BTN3A1: variants seen among roughly 807,000 people sequenced by gnomAD.
BTN3A1 encodes the protein dJ45P21.3 (butyrophilin, subfamily 3, member A1).
BTN3A1 carries 24 observed loss-of-function variants against 43.0 expected under a neutral mutation model. That is an observed-to-expected ratio of 0.56 (90% confidence interval 0.40 to 0.78). BTN3A1 has a LOEUF of 0.78. Ranked by LOEUF, BTN3A1 falls within the 30% of genes least tolerant of loss-of-function variation. BTN3A1 has a pLI of 0.00. For synonymous variants in BTN3A1, 181 were observed against 234.7 expected (o/e 0.77, Z 2.09); for missense variants, 533 against 626.2 (o/e 0.85, Z 1.59).
chr6:26,403,726 G>A (rs1407433033), intron 1 of BTN3A1, among the ~76,000 whole-genome samples: 1 of 151,980 alleles, frequency 6.6e-6, no homozygotes, highest in Non-Finnish European at 1.5e-5. Flanking sequence ...GTTTCATTAT[G>A]TTGACCAGGC....
At chr6:26,402,697 T>C (rs1308202082) in intron 1 of BTN3A1, among the ~76,000 whole-genome samples, 1 of 152,116 alleles carries the variant, frequency 6.6e-6, no homozygotes, top group East Asian at 1.9e-4. Flanking sequence ...AAATCTGTTC[T>C]GGACAACTCA....
In BTN3A1 at chr6:26,412,089, G is replaced by A. The variant is rs558618075; in HGVS notation, c.1018+508G>A. 4 of 259,866 alleles carry A rather than the reference G, an allele frequency of 1.5e-5. No individual in the cohort carries two copies. In the Admixed American group the frequency reaches 2.0e-4, roughly 13 times the overall value. 16.1% of individuals were successfully genotyped at this position (259,866 alleles called of 1,614,324 possible). ...ACTGAAGGAATAATAAATATCCATT[G>A]GTCAAAAACCTTAAGAAGGAGATGA... On this transcript the variant is annotated intron_variant, in intron 9 of 9. Coordinates refer to ENST00000289361, the MANE Select transcript of BTN3A1 (RefSeq NM_007048.6).
At position 26,413,712 on chromosome 6, in the gene BTN3A1, C is replaced by T; in HGVS notation, c.*20C>T. ...GCGTGAAAAGAAGAAGAGAGTTCCT[C>T]CAATTCTGACCGAGTGCTGATCATT... On this transcript the variant is annotated 3_prime_UTR_variant, in exon 10 of 10. Transcript: ENST00000289361. 1 of 1,610,556 alleles carries T rather than the reference C, an allele frequency of 6.2e-7. No homozygotes were observed. The highest frequency in any genetic ancestry group is 8.5e-7 in the Non-Finnish European group (1 of 1,179,586).
rs527423717 is a variant in BTN3A1 at position 26,411,577 on chromosome 6, G to C, written c.1014G>C (p.Lys338Asn). ...CAGAATGGAAAAAGGCCCTCTTCAAGCCTGGTGAGTAAATCACTGTGTGTT... is the reference window on the plus strand; with the variant it reads ...CAGAATGGAAAAAGGCCCTCTTCAACCCTGGTGAGTAAATCACTGTGTGTT... ...AYNEWKKALF[K>N]PADVILDPKT... is the part of the protein sequence containing the mutation. Residue 338 changes from lysine to asparagine, a missense_variant, in exon 9 of 10, where the codon AAG becomes AAC. By Grantham distance (94) the Lys-to-Asn change is moderately conservative. Coordinates refer to ENST00000289361, the MANE Select transcript of BTN3A1 (RefSeq NM_007048.6). 1.9e-5 allele frequency: 30 copies of C among 1,613,530 alleles called. No individual in the cohort carries two copies. The South Asian group carries it at 3.3e-4, about 18-fold the overall frequency.
chr6:26,405,766 C>A, intron 2 of BTN3A1, 118 bp downstream of exon 2: 1 of 1,581,466 alleles, frequency 6.3e-7, no homozygotes. Context: ...TCACCCGTCA[C>A]TAAGAGACAA....
At position 26,414,631 on chromosome 6, in the gene BTN3A1, C is replaced by G. The variant is rs979103365; in HGVS notation, c.*939C>G. The G allele has an allele frequency of 2.6e-5, 4 of 152,004 alleles. No individual in the cohort carries two copies. The highest frequency in any genetic ancestry group is 5.9e-5 in the Non-Finnish European group (4 of 68,026). 9.4% of individuals were successfully genotyped at this position (152,004 alleles called of 1,614,324 possible). On this transcript the variant is annotated 3_prime_UTR_variant, in exon 10 of 10. Coordinates refer to ENST00000289361, the MANE Select transcript of BTN3A1 (RefSeq NM_007048.6). ...CAAGGTTTCCAGGCAGAGCAAATAC[C>G]CTAGAGATTCTCTGTGATATAGGAA...
chr6:26,413,151 T>C lies in BTN3A1; in HGVS notation c.1019-18T>C, dbSNP rs1762275947. On this transcript the variant is annotated intron_variant, in intron 9 of 9. Coordinates refer to ENST00000289361, the MANE Select transcript of BTN3A1 (RefSeq NM_007048.6). Reference sequence around the variant, plus strand: ...AAAAATGGTTGACCTCATGGACACTTCCTCAAACTCTCTGCAGCGGATGTG... The same window carrying C: ...AAAAATGGTTGACCTCATGGACACTCCCTCAAACTCTCTGCAGCGGATGTG... 7 of 1,597,892 alleles carry C rather than the reference T, an allele frequency of 4.4e-6. No homozygotes were observed. Among genetic ancestry groups the C allele is most frequent in the Non-Finnish European group, 6.0e-6 (7 of 1,171,792 alleles).
intron 7 of BTN3A1, 98 bp downstream of exon 7, chr6:26,410,130 C>A: frequency 2.0e-6 from 3 of 1,471,392 alleles, no homozygotes; most frequent in South Asian, 2.3e-5. Context: ...GGGAAGTGGT[C>A]TTAGATCCCT....
chr6:26,412,447 G>C (rs1001901395), intron 9 of BTN3A1: 2 of 1,428,984 alleles, frequency 1.4e-6, no homozygotes, highest in African/African-American at 2.8e-5. Context: ...GCAAACCAGA[G>C]GACAAGGGAG....
intron 8 of BTN3A1, among the ~76,000 whole-genome samples, 195 bp downstream of exon 8, chr6:26,411,330 T>G (rs1037937088): frequency 6.6e-6 from 1 of 152,164 alleles, no homozygotes; most frequent in Non-Finnish European, 1.5e-5. Context: ...CACACCCCCT[T>G]GCAAAGCCTG....
At chr6:26,405,782 G>C (rs1183558128) in intron 2 of BTN3A1, 127 bp from the exon 3 acceptor site, 6 of 1,584,454 alleles carry the variant, frequency 3.8e-6, no homozygotes, top group Admixed American at 1.7e-5. Flanking sequence ...GACAAATGGT[G>C]CTTCTGTTAA....
Position 26,405,543 on chromosome 6 carries a change from A to G in BTN3A1, c.-21A>G. The stretch of plus-strand genomic sequence containing the variant: ...TAGTGTCTGCCCCCCACCTTCCAGT[A>G]TCTCCTGATATGCAGCATGAATGAA... On this transcript the variant is annotated 5_prime_UTR_variant, in exon 2 of 10. Transcript: ENST00000289361. 1 of 1,612,256 alleles carries G rather than the reference A, an allele frequency of 6.2e-7. No homozygotes were observed. The highest frequency in any genetic ancestry group is 1.1e-5 in the South Asian group (1 of 91,026).
intron 9 of BTN3A1, chr6:26,411,920 C>G (rs1215462663): frequency 3.7e-6 from 1 of 269,204 alleles, no homozygotes; most frequent in Non-Finnish European, 6.9e-6. Context: ...GGAGGCGATG[C>G]CTGCCCAAAG....
chr6:26,407,766 A>T lies in BTN3A1; in HGVS notation c.529A>T (p.Ile177Leu). 1 of 1,614,206 alleles carries T rather than the reference A, an allele frequency of 6.2e-7. No individual in the cohort carries two copies. The highest frequency in any genetic ancestry group is 8.5e-7 in the Non-Finnish European group (1 of 1,180,028). The change falls in exon 4 of 10, where the codon ATA becomes TTA. Residue 177 changes from isoleucine (I) to leucine (L), a missense_variant. Ile to Leu is a conservative substitution (Grantham distance 5, BLOSUM62 2). This residue lies in a region of BTN3A1 where 415 missense variants were observed against 427.0 expected (regional missense o/e 0.97). Transcript: ENST00000289361. ...RSTGWYPQPQIQWSNNKGENI... is the reference protein window; with the variant it reads ...RSTGWYPQPQLQWSNNKGENI... ...CACTGGCTGGTACCCCCAACCCCAA[A>T]TACAGTGGAGCAACAACAAGGGAGA...
chr6:26,412,672 C>T (rs1762259387), intron 9 of BTN3A1: 5 of 1,551,340 alleles, frequency 3.2e-6, no homozygotes, highest in Non-Finnish European at 4.4e-6. Context: ...TTCTACAGCG[C>T]TAGAGATTCA....
At position 26,413,493 on chromosome 6, in the gene BTN3A1, G is replaced by C; in HGVS notation, c.1343G>C (p.Arg448Thr). 1 of 1,614,142 alleles carries C rather than the reference G, an allele frequency of 6.2e-7. No individual in the cohort carries two copies. Among genetic ancestry groups the C allele is most frequent in the Non-Finnish European group, 8.5e-7 (1 of 1,180,028 alleles). The change falls in exon 10 of 10, where the codon AGA becomes ACA. Residue 448 changes from arginine (R) to threonine (T), a missense_variant. Coordinates refer to ENST00000289361, the MANE Select transcript of BTN3A1 (RefSeq NM_007048.6). ...GNKYRTLTEP[R>T]TNLKLPKPPK... ...AAGTATCGGACTCTAACTGAGCCCAGAACCAACCTGAAACTTCCTAAGCCC... is the reference window on the plus strand; with the variant it reads ...AAGTATCGGACTCTAACTGAGCCCACAACCAACCTGAAACTTCCTAAGCCC...
At chr6:26,412,860 T>C (rs6900725) in intron 9 of BTN3A1, 241,831 of 1,517,368 alleles carry the variant, frequency 0.16, 20,380 homozygotes, top group South Asian at 0.23. Context: ...GCAGAGTGAA[T>C]ATGGGGAGGG....
intron 4 of BTN3A1, among the ~76,000 whole-genome samples, chr6:26,408,925 AT>A (rs1300811190): frequency 6.6e-6 from 1 of 152,166 alleles, no homozygotes; most frequent in Non-Finnish European, 1.5e-5. Context: ...TTTTATTTAC[AT>A]TTTTTTAAGT....
intron 4 of BTN3A1, among the ~76,000 whole-genome samples, chr6:26,408,428 T>C (rs1762094792): frequency 6.6e-6 from 1 of 152,244 alleles, no homozygotes; most frequent in Non-Finnish European, 1.5e-5. Context: ...TTTTCACTTA[T>C]GGTATTGGCA....
Sources: allele counts gnomAD v4.1 joint callset (sites outside exome capture counted in the v4.1 genomes callset), GRCh38; gene constraint gnomAD v4.1.1; regional missense constraint gnomAD v4.1.1; transcripts MANE v1.5; gene names NCBI Gene and HGNC (gene_info 2026-07-23, HGNC 2026-07-21).